The following PFKL variants were observed in gnomAD, a reference collection of about 807,000 sequenced individuals.
PFKL encodes the protein ATP-dependent 6-phosphofructokinase, liver type.
A neutral mutation model predicts 92.1 loss-of-function variants in PFKL; 74 were observed. The observed-to-expected ratio is 0.80, with a 90% CI of 0.67 to 0.97. The LOEUF (loss-of-function observed/expected upper bound fraction) is 0.97, where lower values mean the gene tolerates loss of function less well. Ranked by LOEUF, PFKL falls within the 50% of genes least tolerant of loss-of-function variation. The pLI is 0.00. For synonymous variants in PFKL, 494 were observed against 456.4 expected (o/e 1.08, Z -1.05); for missense variants, 1,028 against 1,116.6 (o/e 0.92, Z 1.13).
rs1330537388 is a variant in PFKL at position 44,323,884 on chromosome 21, T to C, written c.1616T>C (p.Leu539Pro). The C allele has an allele frequency of 3.7e-6, 6 of 1,613,552 alleles. No individual in the cohort carries two copies. Among genetic ancestry groups the C allele is most frequent in the Non-Finnish European group, 5.1e-6 (6 of 1,179,958 alleles). The change falls in exon 16 of 22, where the codon CTG becomes CCG. Residue 539 changes from leucine (L) to proline (P), a missense_variant. Coordinates refer to ENST00000349048, the MANE Select transcript of PFKL (RefSeq NM_002626.6). The part of the protein sequence containing the change: ...SNNVPGTDFS[L>P]GSDTAVNAAM... ...AACGTCCCTGGCACCGACTTCAGCC[T>C]GGGCTCCGACACTGCTGTAAATGCC...
At chr21:44,308,493 A>G (rs1405300678) in intron 2 of PFKL, among the ~76,000 whole-genome samples, 1 of 151,720 alleles carries the variant, frequency 6.6e-6, no homozygotes, top group Non-Finnish European at 1.5e-5. Context: ...TAGGGCGAAG[A>G]TGCTGACCTG....
Position 44,324,886 on chromosome 21 carries a change from AAGAC to A in PFKL, c.1852_1855del (p.Asp618PhefsTer62). ...CGTGGAGCACATGACGGAGAAGATG[AAGAC>A]AGACATTCAGAGGGGCCTGGTGCTG... On this transcript the variant is annotated frameshift_variant, in exon 18 of 22. Transcript: ENST00000349048. LOFTEE classifies it high-confidence loss of function. 1 of 1,609,150 alleles carries A rather than the reference AAGAC, an allele frequency of 6.2e-7. No individual in the cohort carries two copies. The highest frequency in any genetic ancestry group is 8.5e-7 in the Non-Finnish European group (1 of 1,178,042).
At chr21:44,308,904 G>A (rs1201930167) in intron 2 of PFKL, among the ~76,000 whole-genome samples, 1 of 152,154 alleles carries the variant, frequency 6.6e-6, no homozygotes, top group African/African-American at 2.4e-5. Flanking sequence ...GACAGCATCT[G>A]TTAGCCCTGG....
intron 4 of PFKL, 119 bp from the exon 5 acceptor site, chr21:44,312,859 G>C: frequency 9.1e-7 from 1 of 1,092,938 alleles, no homozygotes; most frequent in Non-Finnish European, 1.3e-6. Context: ...TGGAACTCCG[G>C]GGCCCCTGCC....
intron 1 of PFKL, among the ~76,000 whole-genome samples, chr21:44,306,290 C>T (rs1475192984): frequency 1.3e-5 from 2 of 152,168 alleles, no homozygotes; most frequent in African/African-American, 4.8e-5. Flanking sequence ...GCCTGATTGC[C>T]ATGCTCTGCA....
intron 21 of PFKL, 71 bp from the exon 22 acceptor site, chr21:44,326,644 G>GCCCC: frequency 1.4e-6 from 1 of 729,608 alleles, no homozygotes; most frequent in Non-Finnish European, 2.1e-6. Flanking sequence ...GGGTGGGGGG[G>GCCCC]CTGGGGACGT....
chr21:44,318,051 T>G (rs1009110931), intron 9 of PFKL, among the ~76,000 whole-genome samples: 2 of 152,242 alleles, frequency 1.3e-5, no homozygotes, highest in African/African-American at 4.8e-5. Flanking sequence ...CTCCTGGATG[T>G]GTCCTCTGCC....
intron 7 of PFKL, chr21:44,315,996 G>A (rs1432309045): frequency 3.7e-6 from 2 of 538,152 alleles, no homozygotes; most frequent in South Asian, 2.0e-5. Flanking sequence ...CTCCCCTGCT[G>A]CCCTTCCCAG....
At chr21:44,306,167 C>G (rs907931743) in intron 1 of PFKL, among the ~76,000 whole-genome samples, 2 of 75,320 alleles carry the variant, frequency 2.7e-5, no homozygotes, top group African/African-American at 1.1e-4. Context: ...TTTCCACCTG[C>G]CCCACTTTTT....
intron 18 of PFKL, 78 bp from the exon 19 acceptor site, chr21:44,325,075 C>A: frequency 2.4e-6 from 3 of 1,231,896 alleles, no homozygotes; most frequent in Admixed American, 1.9e-5. Context: ...CTCTCCCAGG[C>A]CTGGCCCAGC....
chr21:44,306,163 C>T (rs1401145594), intron 1 of PFKL, among the ~76,000 whole-genome samples: 4 of 74,000 alleles, frequency 5.4e-5, no homozygotes, highest in Admixed American at 1.5e-4. Flanking sequence ...CTCTTTTCCA[C>T]CTGCCCCACT....
intron 7 of PFKL, chr21:44,315,998 C>A: frequency 1.8e-6 from 1 of 542,494 alleles, no homozygotes; most frequent in Non-Finnish European, 3.3e-6. Context: ...CCCCTGCTGC[C>A]CTTCCCAGGC....
chr21:44,317,677 C>T (rs1285621864), intron 9 of PFKL, among the ~76,000 whole-genome samples: 1 of 152,186 alleles, frequency 6.6e-6, no homozygotes, highest in African/African-American at 2.4e-5. Flanking sequence ...TCCCTGAGCC[C>T]GTATTCCCAC....
intron 15 of PFKL, among the ~76,000 whole-genome samples, chr21:44,323,424 C>T (rs562859552): frequency 1.1e-4 from 17 of 152,282 alleles, no homozygotes; most frequent in South Asian, 4.1e-4. Context: ...TGGACGGCAT[C>T]GCTGAACGTG....
intron 1 of PFKL, chr21:44,304,570 G>C: frequency 9.0e-7 from 1 of 1,114,188 alleles, no homozygotes; most frequent in South Asian, 1.8e-5. Context: ...CAACTCCAGT[G>C]AGGGTGGGGG....
Position 44,324,620 on chromosome 21 carries a change from G to A in PFKL, c.1780G>A (p.Val594Ile), listed in dbSNP as rs773166574. Reference protein sequence around the residue: ...GIAVGADAAYVFEDPFNIHDL... With the variant: ...GIAVGADAAYIFEDPFNIHDL... ...TGCTGTGGGGGCCGACGCCGCCTAC[G>A]TCTTCGAGGACCCTTTCAACATCCA... Residue 594 changes from valine to isoleucine, a missense_variant, in exon 17 of 22, where the codon GTC (valine) becomes ATC (isoleucine). Coordinates refer to ENST00000349048, the MANE Select transcript of PFKL (RefSeq NM_002626.6). 15 of 1,608,130 alleles carry A rather than the reference G, an allele frequency of 9.3e-6. No homozygotes were observed. The highest frequency in any genetic ancestry group is 4.5e-5 in the East Asian group (2 of 44,794).
intron 7 of PFKL, 58 bp from the exon 8 acceptor site, chr21:44,316,186 T>C (rs2047199036): frequency 6.5e-7 from 1 of 1,530,778 alleles, no homozygotes; most frequent in Admixed American, 1.7e-5. Context: ...ACCCGGGGGC[T>C]GTGTCCGGGG....
intron 12 of PFKL, 153 bp from the exon 13 acceptor site, chr21:44,321,576 C>A: frequency 1.6e-6 from 1 of 641,182 alleles, no homozygotes; most frequent in Non-Finnish European, 2.5e-6. Flanking sequence ...ATACCGTATT[C>A]CCAGGGCAGT....
chr21:44,306,539 A>T lies in PFKL; in HGVS notation c.86-142A>T. ...TTGCCCTCTTGAGATGAGGAGGGTG[A>T]CCAGGGCCTTCCCCCACCACCCGCC... is the stretch of plus-strand genomic sequence containing the variant. On this transcript the variant is annotated intron_variant, in intron 1 of 21. Coordinates refer to ENST00000349048, the MANE Select transcript of PFKL (RefSeq NM_002626.6). 5 of 686,206 alleles carry T rather than the reference A, an allele frequency of 7.3e-6. No individual in the cohort carries two copies. The South Asian group carries it at 8.8e-5, about 12-fold the overall frequency. The allele number at this position is 686,206 out of a possible 1,614,324, so 42.5% of individuals were successfully genotyped here. A position where few individuals can be genotyped will look rare whatever the true frequency, so the allele number is the denominator to read the frequency against.
Sources: allele counts gnomAD v4.1 joint callset (sites outside exome capture counted in the v4.1 genomes callset), GRCh38; gene constraint gnomAD v4.1.1; transcripts MANE v1.5; gene names NCBI Gene and HGNC (gene_info 2026-07-23, HGNC 2026-07-21).